Variants in DNAH6 observed in about 807,000 individuals in gnomAD.
DNAH6 encodes the protein dynein axonemal heavy chain 6.
In DNAH6, 340 loss-of-function variants were observed where a neutral mutation model predicts 491.4. The observed-to-expected ratio is 0.69, with a 90% CI of 0.63 to 0.76. DNAH6 has a LOEUF of 0.76. DNAH6 is among the 30% of genes least tolerant of loss of function. DNAH6 has a pLI of 0.00. For synonymous variants in DNAH6, 1,603 were observed against 1,686.1 expected (o/e 0.95, Z 1.21); for missense variants, 4,443 against 4,972.2 (o/e 0.89, Z 3.20).
intron 68 of DNAH6, among the ~76,000 whole-genome samples, chr2:84,793,232 GCA>G (rs1472164803): frequency 6.6e-6 from 1 of 152,116 alleles, no homozygotes; most frequent in Non-Finnish European, 1.5e-5. Flanking sequence ...ACACGGGCGT[GCA>G]CACACACAAG....
At chr2:84,776,703 C>CT (rs1328368908) in intron 64 of DNAH6, among the ~76,000 whole-genome samples, 1 of 152,178 alleles carries the variant, frequency 6.6e-6, no homozygotes, top group Non-Finnish European at 1.5e-5. Context: ...TGTTTCCTGA[C>CT]TTTTTAATGA....
Position 84,733,456 on chromosome 2 carries a change from A to AAGTGGCTTCAGGT in DNAH6, c.10221_10222insTGGCTTCAGGTAG (p.Pro3408TrpfsTer6). The AAGTGGCTTCAGGT allele has an allele frequency of 6.4e-7, 1 of 1,550,980 alleles. No homozygotes were observed. Among genetic ancestry groups the AAGTGGCTTCAGGT allele is most frequent in the Admixed American group, 2.0e-5 (1 of 50,974 alleles). On this transcript the variant is annotated frameshift_variant, in exon 62 of 77. Coordinates refer to ENST00000389394, the MANE Select transcript of DNAH6 (RefSeq NM_001370.2). LOFTEE classifies it high-confidence loss of function. ...TGTCTTCAAACAGGAACGCCCACCTAAGCCTGAAGCTCCCTGGCTACCTAC... is the reference window on the plus strand; with the variant it reads ...TGTCTTCAAACAGGAACGCCCACCTAAGTGGCTTCAGGTAGCCTGAAGCTCCCTGGCTACCTAC...
chr2:84,638,762 A>G (rs1044552436), intron 31 of DNAH6, among the ~76,000 whole-genome samples: 24 of 152,272 alleles, frequency 1.6e-4, no homozygotes, highest in African/African-American at 4.6e-4. Context: ...TAATTGGCTC[A>G]TGGTTCTGCA....
At chr2:84,748,551 A>C (rs62162769) in intron 63 of DNAH6, among the ~76,000 whole-genome samples, 43,346 of 152,016 alleles carry the variant, frequency 0.29, 7,333 homozygotes, top group Non-Finnish European at 0.38. Context: ...CCTTATTTCC[A>C]TCTGAGACTT....
intron 64 of DNAH6, among the ~76,000 whole-genome samples, chr2:84,763,195 A>T (rs748161175): frequency 7.9e-5 from 12 of 152,332 alleles, no homozygotes; most frequent in Non-Finnish European, 1.2e-4. Context: ...CTAGTGGAAT[A>T]ATTATTGAAA....
intron 68 of DNAH6, among the ~76,000 whole-genome samples, chr2:84,790,075 T>A (rs1677600155): frequency 6.6e-6 from 1 of 152,174 alleles, no homozygotes; most frequent in Non-Finnish European, 1.5e-5. Flanking sequence ...GGCTTATAAA[T>A]CAATGGAACA....
At chr2:84,468,327 T>C in the DNAH6 span, among the ~76,000 whole-genome samples, 3 of 152,204 alleles carry the variant, frequency 2.0e-5, no homozygotes, top group Non-Finnish European at 4.4e-5. Flanking sequence ...GTTTTTAAGT[T>C]TCTTAATTGG....
At chr2:84,519,602 T>C (rs536479814) in intron 2 of DNAH6, among the ~76,000 whole-genome samples, 1 of 150,652 alleles carries the variant, frequency 6.6e-6, no homozygotes, top group East Asian at 2.0e-4. Context: ...TCCCTTCCCC[T>C]TCTTCTTCCT....
intron 62 of DNAH6, among the ~76,000 whole-genome samples, chr2:84,734,945 A>C (rs759786373): frequency 2.0e-5 from 3 of 152,134 alleles, no homozygotes; most frequent in African/African-American, 7.2e-5. Context: ...CTGGTTTGTT[A>C]CATGGATATA....
intron 9 of DNAH6, 89 bp downstream of exon 9, chr2:84,550,146 G>A: frequency 9.2e-7 from 1 of 1,086,728 alleles, no homozygotes; most frequent in Non-Finnish European, 1.3e-6. Flanking sequence ...TATTTTCTGT[G>A]CACTAAAAAA....
rs78397302 is a variant in DNAH6 at position 84,624,831 on chromosome 2, T to C, written c.4354-71T>C. 5.5e-3 allele frequency: 7,813 copies of C among 1,410,766 alleles called. 403 individuals carry two copies. The African/African-American group carries it at 0.1, about 18-fold the overall frequency. 87.4% of individuals were successfully genotyped at this position (1,410,766 alleles called of 1,614,324 possible). On this transcript the variant is annotated intron_variant, in intron 28 of 76. Transcript: ENST00000389394. ...ATAGAAAATAATAATCCTTCCCCCATAGAGAGGAAATGCCTTAATTTGTGG... is the reference window on the plus strand; with the variant it reads ...ATAGAAAATAATAATCCTTCCCCCACAGAGAGGAAATGCCTTAATTTGTGG...
chr2:84,739,504 A>C (rs1672313095), intron 62 of DNAH6, among the ~76,000 whole-genome samples: 1 of 152,192 alleles, frequency 6.6e-6, no homozygotes, highest in African/African-American at 2.4e-5. Flanking sequence ...AGGTTTGGTC[A>C]CTTTACATAA....
chr2:84,554,439 G>A (rs1021822153), intron 10 of DNAH6, among the ~76,000 whole-genome samples: 2 of 152,150 alleles, frequency 1.3e-5, no homozygotes, highest in African/African-American at 4.8e-5. Context: ...TAGGTGCATA[G>A]GTTAGTAAAC....
the DNAH6 span, among the ~76,000 whole-genome samples, chr2:84,477,976 C>T: frequency 5.9e-5 from 9 of 152,194 alleles, no homozygotes; most frequent in Admixed American, 4.6e-4. Context: ...AAAACAGCTG[C>T]TTTGTCCCCA....
chr2:84,817,045 T>A (rs1471876367), intron 76 of DNAH6, among the ~76,000 whole-genome samples: 1 of 152,142 alleles, frequency 6.6e-6, no homozygotes, highest in African/African-American at 2.4e-5. Context: ...GGCTGGTAAT[T>A]TCCCAAAACT....
chr2:84,793,503 C>T (rs191712409), intron 68 of DNAH6, among the ~76,000 whole-genome samples: 23 of 152,246 alleles, frequency 1.5e-4, no homozygotes, highest in African/African-American at 5.3e-4. Flanking sequence ...CCTTCTTCCC[C>T]TGACATCATC....
chr2:84,517,952 A>G lies in DNAH6; in HGVS notation c.126A>G (p.Thr42=), dbSNP rs1361904612. 6.4e-7 allele frequency: 1 copy of G among 1,551,984 alleles called. No homozygotes were observed. The highest frequency in any genetic ancestry group is 2.4e-5 in the East Asian group (1 of 40,906). The change falls in exon 2 of 77, where the codon ACA becomes ACG. Residue 42 remains threonine (T), a synonymous_variant. Coordinates refer to ENST00000389394, the MANE Select transcript of DNAH6 (RefSeq NM_001370.2). ...AAAGAGTGAGTTATGTGACATCCACAGAAAATGAATCTGATACACAAATCC... is the reference window on the plus strand; with the variant it reads ...AAAGAGTGAGTTATGTGACATCCACGGAAAATGAATCTGATACACAAATCC... The part of the protein sequence containing the change: ...AKQRVSYVTS[T]ENESDTQILT...
chr2:84,542,677 C>G (rs1230791144), intron 4 of DNAH6, among the ~76,000 whole-genome samples: 1 of 152,120 alleles, frequency 6.6e-6, no homozygotes, highest in African/African-American at 2.4e-5. Flanking sequence ...ATTTTTGTTA[C>G]TCAGTTTTAT....
chr2:84,577,534 A>G (rs1467813517), intron 13 of DNAH6, 126 bp downstream of exon 13: 6 of 673,686 alleles, frequency 8.9e-6, no homozygotes, highest in East Asian at 3.2e-5. Context: ...AGACTATTGG[A>G]CATCCTTAAT....
Sources: allele counts gnomAD v4.1 joint callset (sites outside exome capture counted in the v4.1 genomes callset), GRCh38; gene constraint gnomAD v4.1.1; transcripts MANE v1.5; gene names NCBI Gene and HGNC (gene_info 2026-07-23, HGNC 2026-07-21).